Variants in GRM8 observed in about 807,000 individuals in gnomAD.
GRM8 encodes metabotropic glutamate receptor 8.
A neutral mutation model predicts 87.2 loss-of-function variants in GRM8; 47 were observed. The ratio of observed to expected loss-of-function variants is 0.54; its 90% confidence interval spans 0.43 to 0.69. The LOEUF is 0.69. Ranked by LOEUF, GRM8 falls within the 30% of genes least tolerant of loss-of-function variation. The pLI, the probability that GRM8 is intolerant of heterozygous loss-of-function variation, is 0.00. For missense variants in GRM8, 1,019 were observed against 1,139.2 expected, an observed-to-expected ratio of 0.89 and a Z score of 1.52; for synonymous variants, 396 against 404.5, an observed-to-expected ratio of 0.98 and a Z score of 0.25.
chr7:126,799,248 A>T (rs1822359893), intron 6 of GRM8, among the ~76,000 whole-genome samples: 1 of 152,106 alleles, frequency 6.6e-6, no homozygotes, highest in Non-Finnish European at 1.5e-5. Context: ...ATTCTTGAAC[A>T]CACTGATAAT....
chr7:127,102,987 C>A (rs1465621888), intron 3 of GRM8, among the ~76,000 whole-genome samples: 6 of 152,170 alleles, frequency 3.9e-5, no homozygotes, highest in Non-Finnish European at 7.3e-5. Flanking sequence ...CTCAGCCTCC[C>A]AAGTAGCTGG....
chr7:126,456,949 G>T (rs73224909), intron 9 of GRM8, among the ~76,000 whole-genome samples: 25,579 of 151,310 alleles, frequency 0.17, 2,466 homozygotes, highest in East Asian at 0.23. Context: ...AAACTAAACA[G>T]GTGACAGAAA....
intron 7 of GRM8, among the ~76,000 whole-genome samples, chr7:126,639,731 C>T (rs1427538554): frequency 1.3e-5 from 2 of 152,190 alleles, no homozygotes; most frequent in East Asian, 3.8e-4. Flanking sequence ...GGGATTAATA[C>T]TGATCACGAT....
At chr7:126,688,503 A>G (rs1049704230) in intron 7 of GRM8, among the ~76,000 whole-genome samples, 5 of 152,168 alleles carry the variant, frequency 3.3e-5, no homozygotes, top group African/African-American at 1.2e-4. Context: ...TTCGCTTAGA[A>G]TAAATATTCC....
chr7:127,102,311 A>T (rs1587008176), intron 3 of GRM8, among the ~76,000 whole-genome samples: 1 of 152,390 alleles, frequency 6.6e-6, no homozygotes, highest in East Asian at 1.9e-4. Context: ...GAATTTAAGC[A>T]GGCTGTGGAG....
chr7:126,900,695 A>G (rs1801992926), intron 6 of GRM8, among the ~76,000 whole-genome samples: 8 of 152,012 alleles, frequency 5.3e-5, no homozygotes, highest in Admixed American at 5.2e-4. Flanking sequence ...TTTTTAGTAG[A>G]GATGGGTTTT....
At chr7:127,213,449 A>T (rs1796341325) in intron 2 of GRM8, among the ~76,000 whole-genome samples, 1 of 152,212 alleles carries the variant, frequency 6.6e-6, no homozygotes, top group Admixed American at 6.5e-5. Context: ...CAGGTTAAAT[A>T]AAAACATACA....
At chr7:126,461,209 C>T (rs1048336662) in intron 9 of GRM8, among the ~76,000 whole-genome samples, 5 of 151,478 alleles carry the variant, frequency 3.3e-5, no homozygotes, top group African/African-American at 4.8e-5. Context: ...CAGATTACTC[C>T]TCTAATCACC....
chr7:126,462,532 CCAGT>C (rs1001531413), intron 9 of GRM8, among the ~76,000 whole-genome samples: 4 of 151,498 alleles, frequency 2.6e-5, no homozygotes, highest in African/African-American at 7.3e-5. Context: ...TCAAATGCCA[CCAGT>C]CAATTTACCA....
At chr7:127,142,427 CA>C (rs1250240992) in intron 2 of GRM8, among the ~76,000 whole-genome samples, 1 of 152,182 alleles carries the variant, frequency 6.6e-6, no homozygotes, top group Non-Finnish European at 1.5e-5. Context: ...AGTTTACACA[CA>C]AAGCCAATTT....
At chr7:127,219,972 A>T (rs1796816066) in intron 2 of GRM8, among the ~76,000 whole-genome samples, 1 of 152,200 alleles carries the variant, frequency 6.6e-6, no homozygotes, top group African/African-American at 2.4e-5. Flanking sequence ...CCTTGGTAAG[A>T]CTTTCCTTTT....
intron 8 of GRM8, among the ~76,000 whole-genome samples, chr7:126,595,375 T>TTTATTTTATG (rs1797064645): frequency 3.2e-5 from 1 of 31,480 alleles, no homozygotes; most frequent in Admixed American, 3.0e-4. Flanking sequence ...ATTCTGGTAT[T>TTTATTTTATG]TTATTTTATT....
At chr7:126,783,071 T>C (rs1820255436) in intron 6 of GRM8, among the ~76,000 whole-genome samples, 1 of 152,178 alleles carries the variant, frequency 6.6e-6, no homozygotes, top group Non-Finnish European at 1.5e-5. Context: ...CTCCAAGTCC[T>C]CACCAGGAAT....
intron 3 of GRM8, among the ~76,000 whole-genome samples, chr7:126,909,820 A>G (rs1380271258): frequency 6.6e-6 from 1 of 152,146 alleles, no homozygotes; most frequent in East Asian, 1.9e-4. Context: ...TGATAAGGAA[A>G]ATGAGAAACA....
At chr7:126,894,482 C>G (rs868038080) in intron 6 of GRM8, among the ~76,000 whole-genome samples, 6 of 152,122 alleles carry the variant, frequency 3.9e-5, no homozygotes, top group Non-Finnish European at 5.9e-5. Context: ...TTCATTTTTT[C>G]TCTCTGTAGT....
At chr7:127,098,839 T>C (rs1300794223) in intron 3 of GRM8, among the ~76,000 whole-genome samples, 1 of 152,158 alleles carries the variant, frequency 6.6e-6, no homozygotes, top group African/African-American at 2.4e-5. Context: ...CTGTAATGTA[T>C]GCAATGATGA....
intron 7 of GRM8, among the ~76,000 whole-genome samples, chr7:126,690,398 T>A (rs902361179): frequency 1.3e-5 from 2 of 152,144 alleles, no homozygotes; most frequent in Admixed American, 6.5e-5. Flanking sequence ...GGGTGCCACC[T>A]CCCTGCAAGG....
At chr7:126,809,904 A>G (rs997610697) in intron 6 of GRM8, among the ~76,000 whole-genome samples, 9 of 152,300 alleles carry the variant, frequency 5.9e-5, no homozygotes, top group Middle Eastern at 3.4e-3. Context: ...CAGTTTTGAT[A>G]CAGTATGTAG....
chr7:126,750,086 C>A (rs1314589378), intron 7 of GRM8, among the ~76,000 whole-genome samples: 2 of 152,040 alleles, frequency 1.3e-5, no homozygotes, highest in African/African-American at 4.8e-5. Context: ...TGGAAACAAT[C>A]CAAATGTCCA....
Sources: gnomAD v4.1 joint callset for allele counts (sites outside exome capture counted in the v4.1 genomes callset) on GRCh38, gnomAD v4.1.1 for gene constraint, MANE v1.5 for transcripts, NCBI Gene and HGNC (gene_info 2026-07-23, HGNC 2026-07-21) for gene names.